The following ANKRD44 variants were observed in gnomAD, a reference collection of about 807,000 sequenced individuals.
The protein encoded by ANKRD44 is ankyrin repeat domain 44.
In ANKRD44, 35 loss-of-function variants were observed where a neutral mutation model predicts 116.0. The observed-to-expected ratio is 0.30, with a 90% CI of 0.23 to 0.40. ANKRD44 has a LOEUF of 0.40. Ranked by LOEUF, ANKRD44 falls within the 10% of genes least tolerant of loss-of-function variation. The pLI, the probability that ANKRD44 is intolerant of heterozygous loss-of-function variation, is 1.00. For synonymous variants in ANKRD44, 435 were observed against 461.8 expected (o/e 0.94, Z 0.74); for missense variants, 1,014 against 1,242.6 (o/e 0.82, Z 2.77).
At chr2:197,055,376 T>C (rs773570285) in intron 16 of ANKRD44, among the ~76,000 whole-genome samples, 14 of 152,196 alleles carry the variant, frequency 9.2e-5, no homozygotes, top group Non-Finnish European at 1.6e-4. Context: ...TTTTCATATA[T>C]ATGTATTGCA....
chr2:197,086,948 AAT>A (rs2077939409), intron 12 of ANKRD44, among the ~76,000 whole-genome samples, 200 bp from the exon 13 acceptor site: 1 of 152,224 alleles, frequency 6.6e-6, no homozygotes, highest in Non-Finnish European at 1.5e-5. Flanking sequence ...TTTCAAAGCT[AAT>A]AAATCAATAG....
chr2:197,140,751 A>G (rs777580017), intron 3 of ANKRD44, among the ~76,000 whole-genome samples: 2 of 152,126 alleles, frequency 1.3e-5, no homozygotes, highest in African/African-American at 2.4e-5. Context: ...AATAACAAGA[A>G]CAAAGGGACA....
At chr2:197,121,104 T>C (rs1189691237) in intron 8 of ANKRD44, among the ~76,000 whole-genome samples, 1 of 152,000 alleles carries the variant, frequency 6.6e-6, no homozygotes, top group African/African-American at 2.4e-5. Context: ...AATTTTTGCA[T>C]TTTTAGTAGA....
chr2:197,099,837 G>A lies in ANKRD44; in HGVS notation c.1079C>T (p.Thr360Ile), dbSNP rs1474662088. 1 of 1,614,112 alleles carries A rather than the reference G, an allele frequency of 6.2e-7. No homozygotes were observed. The highest frequency in any genetic ancestry group is 1.1e-5 in the South Asian group (1 of 91,078). ...GHELLINTLI[T>I]SGADTAKCGI... ...CTACTTGGCTGTGTCAGCTCCGCTG[G>A]TTATTAAGGTGTTAATCAAAAGCTC... The change falls in exon 10 of 28, where the codon ACC becomes ATC. Residue 360 changes from threonine (T) to isoleucine (I), a missense_variant. Physicochemically the swap from Thr to Ile is moderately conservative, Grantham distance 89. Coordinates refer to ENST00000282272, the MANE Select transcript of ANKRD44 (RefSeq NM_001195144.2).
chr2:197,198,597 G>C (rs1348532920), intron 1 of ANKRD44, among the ~76,000 whole-genome samples: 2 of 151,876 alleles, frequency 1.3e-5, no homozygotes, highest in Non-Finnish European at 2.9e-5. Flanking sequence ...TTTGAGACCA[G>C]CCTGGCCAAC....
intron 16 of ANKRD44, among the ~76,000 whole-genome samples, chr2:197,034,668 G>A (rs182483251): frequency 8.6e-5 from 13 of 151,708 alleles, no homozygotes; most frequent in East Asian, 5.8e-4. Context: ...AAGGTTCTAC[G>A]TAGAGTCCAG....
intron 9 of ANKRD44, 80 bp downstream of exon 9, chr2:197,110,686 T>C: frequency 1.7e-6 from 2 of 1,169,472 alleles, no homozygotes; most frequent in South Asian, 1.2e-5. Context: ...GGGCATCGAC[T>C]TTCATATGCA....
chr2:197,251,629 T>C (rs1301192630), intron 1 of ANKRD44, among the ~76,000 whole-genome samples: 1 of 152,248 alleles, frequency 6.6e-6, no homozygotes, highest in East Asian at 1.9e-4. Context: ...CTTGCAAGTA[T>C]TTCCTCCTTT....
At chr2:197,255,136 T>A (rs2082415165) in intron 1 of ANKRD44, among the ~76,000 whole-genome samples, 1 of 152,146 alleles carries the variant, frequency 6.6e-6, no homozygotes, top group African/African-American at 2.4e-5. Flanking sequence ...GTTCCACAAC[T>A]ATGGTCCAAG....
chr2:197,083,644 G>T, intron 13 of ANKRD44, 135 bp from the exon 14 acceptor site: 1 of 841,460 alleles, frequency 1.2e-6, no homozygotes, highest in African/African-American at 1.8e-5. Context: ...CCAAAGTCAT[G>T]CCTTCCTTCA....
chr2:197,081,497 G>T, intron 15 of ANKRD44, 148 bp downstream of exon 15: 1 of 700,790 alleles, frequency 1.4e-6, no homozygotes. Flanking sequence ...TAAAAGAATA[G>T]TTTCTTCCCC....
chr2:197,009,114 A>G, intron 18 of ANKRD44, 83 bp from the exon 19 acceptor site: 1 of 1,181,012 alleles, frequency 8.5e-7, no homozygotes, highest in Non-Finnish European at 1.2e-6. Context: ...TTTTTTTGAG[A>G]TGGAGTCTTG....
chr2:197,153,504 A>C (rs902784115), intron 2 of ANKRD44, among the ~76,000 whole-genome samples: 11 of 152,206 alleles, frequency 7.2e-5, no homozygotes, highest in Admixed American at 2.0e-4. Context: ...ACAGGAGCCA[A>C]ACGACACAAA....
At chr2:197,281,943 A>G (rs1026324021) in intron 1 of ANKRD44, among the ~76,000 whole-genome samples, 3 of 152,176 alleles carry the variant, frequency 2.0e-5, no homozygotes, top group African/African-American at 7.2e-5. Flanking sequence ...GCCACGTAAG[A>G]TGATTCTGGT....
rs977947644 is a variant in ANKRD44 at position 197,078,689 on chromosome 2, A to C, written c.1650+14T>G. ...GTGTGTGTGTGTTAGAGAAAACAAA[A>C]CAAAACAACTCACCAATTCCAGACA... On this transcript the variant is annotated intron_variant, in intron 16 of 27. Transcript: ENST00000282272. The C allele has an allele frequency of 2.5e-6, 4 of 1,607,468 alleles. No homozygotes were observed. The highest frequency in any genetic ancestry group is 3.4e-6 in the Non-Finnish European group (4 of 1,176,182).
intron 21 of ANKRD44, among the ~76,000 whole-genome samples, chr2:197,003,128 G>A (rs1026884571): frequency 1.3e-5 from 2 of 150,914 alleles, no homozygotes; most frequent in African/African-American, 2.4e-5. Context: ...CCAACATGGC[G>A]AAACCCCATC....
At chr2:197,082,988 T>C (rs2077831911) in intron 14 of ANKRD44, among the ~76,000 whole-genome samples, 1 of 152,218 alleles carries the variant, frequency 6.6e-6, no homozygotes, top group Non-Finnish European at 1.5e-5. Flanking sequence ...GGATTATGCA[T>C]GGGTGGATGT....
At chr2:197,290,048 C>T (rs980316336) in intron 1 of ANKRD44, among the ~76,000 whole-genome samples, 36 of 151,882 alleles carry the variant, frequency 2.4e-4, no homozygotes, top group Admixed American at 1.7e-3. Context: ...TTAGGAGAGA[C>T]GGGGTTTCAC....
intron 2 of ANKRD44, among the ~76,000 whole-genome samples, chr2:197,161,317 C>T (rs886363048): frequency 1.7e-4 from 26 of 152,104 alleles, no homozygotes; most frequent in Non-Finnish European, 4.4e-5. Context: ...AGCAAAAAAA[C>T]GGTCACTAGG....
Sources: gnomAD v4.1 joint callset for allele counts (sites outside exome capture counted in the v4.1 genomes callset) on GRCh38, gnomAD v4.1.1 for gene constraint, MANE v1.5 for transcripts, NCBI Gene and HGNC (gene_info 2026-07-23, HGNC 2026-07-21) for gene names.